Variants in CCDC158 observed in about 807,000 individuals in gnomAD.
CCDC158 encodes coiled-coil domain containing 158.
In CCDC158, 116 loss-of-function variants were observed where a neutral mutation model predicts 138.6. That is an observed-to-expected ratio of 0.84 (90% CI 0.72 to 0.98). The LOEUF (loss-of-function observed/expected upper bound fraction) is 0.98. Among genes scored for constraint, CCDC158 ranks in the 50% least tolerant of loss-of-function variants. The pLI is 0.00. For missense variants in CCDC158, 1,265 were observed against 1,306.1 expected, an observed-to-expected ratio of 0.97 and a Z score of 0.48; for synonymous variants, 436 against 442.4, an observed-to-expected ratio of 0.99 and a Z score of 0.18.
chr4:76,369,533 T>C lies in CCDC158; in HGVS notation c.1240A>G (p.Ile414Val). 1.2e-6 allele frequency: 2 copies of C among 1,614,180 alleles called. No homozygotes were observed. The highest frequency in any genetic ancestry group is 1.7e-6 in the Non-Finnish European group (2 of 1,180,028). Residue 414 changes from isoleucine (I) to valine (V), a missense_variant, in exon 11 of 25, where the codon ATT becomes GTT. Physicochemically the swap from Ile to Val is conservative, Grantham distance 29 (BLOSUM62 3). Coordinates refer to ENST00000682701, the MANE Select transcript of CCDC158 (RefSeq NM_001394954.1). ...WDRDTGNSITIDHLRRELDNR... is the reference protein window; with the variant it reads ...WDRDTGNSITVDHLRRELDNR... ...TCCAGTTCCCGCCGCAGGTGGTCAA[T>C]GGTGATGCTGTTGCCTGTGTCTCGG...
At chr4:76,375,778 A>C in intron 9 of CCDC158, 2 of 570,916 alleles carry the variant, frequency 3.5e-6, no homozygotes, top group South Asian at 4.6e-5. Context: ...GCTACATCTC[A>C]CATTTTTTTG....
chr4:76,418,836 G>A (rs571887749), intron 1 of CCDC158, among the ~76,000 whole-genome samples: 1 of 152,302 alleles, frequency 6.6e-6, no homozygotes, highest in South Asian at 2.1e-4. Flanking sequence ...AGGAAAGTGG[G>A]AAGTGTAAAT....
At chr4:76,382,107 C>T (rs565609836) in intron 8 of CCDC158, among the ~76,000 whole-genome samples, 5 of 152,188 alleles carry the variant, frequency 3.3e-5, no homozygotes, top group African/African-American at 9.6e-5. Context: ...AGATTTCCCC[C>T]ATGCTTTTCC....
At chr4:76,323,159 GT>G (rs1720194185) in intron 24 of CCDC158, 142 bp downstream of exon 24, 1 of 581,754 alleles carries the variant, frequency 1.7e-6, no homozygotes, top group African/African-American at 1.9e-5. Flanking sequence ...GCTATTAATG[GT>G]TAAGACCCTT....
At chr4:76,421,380 T>TG (rs1304897017), upstream of CCDC158, among the ~76,000 whole-genome samples, 3 of 151,418 alleles carry the variant, frequency 2.0e-5, no homozygotes, top group Admixed American at 2.0e-4. Flanking sequence ...CCCTAAGGAG[T>TG]GGGGGTGTAC....
rs759686199 is a variant in CCDC158, at chr4:76,382,652, C to T, written c.872G>A (p.Arg291Gln). The T allele has an allele frequency of 5.3e-5, 85 of 1,613,392 alleles. No individual in the cohort carries two copies. The highest frequency in any genetic ancestry group is 4.5e-5 in the East Asian group (2 of 44,828). ...ACTCTGGATACTATTGGCTTGGCTTCGAGCACTGCTAGCTTTCTCAGTAAG... is the reference window on the plus strand; with the variant it reads ...ACTCTGGATACTATTGGCTTGGCTTTGAGCACTGCTAGCTTTCTCAGTAAG... ...TGLTEKASSA[R>Q]SQANSIQSQM... Residue 291 changes from arginine (R) to glutamine (Q), a missense_variant, in exon 8 of 25, where the codon CGA becomes CAA. By Grantham distance (43) the Arg-to-Gln change is conservative (BLOSUM62 1). Coordinates refer to ENST00000682701, the MANE Select transcript of CCDC158 (RefSeq NM_001394954.1).
intron 13 of CCDC158, among the ~76,000 whole-genome samples, chr4:76,358,363 A>G (rs1381509183): frequency 6.6e-6 from 1 of 152,154 alleles, no homozygotes. Flanking sequence ...TTTATCTGGG[A>G]CGACTGCAAA....
intron 1 of CCDC158, among the ~76,000 whole-genome samples, chr4:76,418,970 T>C (rs569590712): frequency 6.6e-6 from 1 of 152,332 alleles, no homozygotes; most frequent in Admixed American, 6.5e-5. Context: ...TTTTAATACA[T>C]GGAAGCACTT....
intron 4 of CCDC158, among the ~76,000 whole-genome samples, chr4:76,393,936 C>T (rs929746354): frequency 6.6e-6 from 1 of 152,088 alleles, no homozygotes; most frequent in African/African-American, 2.4e-5. Flanking sequence ...GAGATATCAA[C>T]TCACCCCAGT....
chr4:76,330,430 G>A (rs529840788), intron 21 of CCDC158, among the ~76,000 whole-genome samples: 2 of 152,306 alleles, frequency 1.3e-5, no homozygotes, highest in African/African-American at 4.8e-5. Flanking sequence ...ATATGCAGTT[G>A]ATAGTTGTGG....
At chr4:76,324,058 C>A (rs141211465) in intron 23 of CCDC158, among the ~76,000 whole-genome samples, 1 of 152,236 alleles carries the variant, frequency 6.6e-6, no homozygotes, top group East Asian at 1.9e-4. Flanking sequence ...TTAATCCCTG[C>A]CTAGCTGTAT....
At chr4:76,347,994 A>C (rs138445732) in intron 18 of CCDC158, among the ~76,000 whole-genome samples, 1 of 152,164 alleles carries the variant, frequency 6.6e-6, no homozygotes, top group Non-Finnish European at 1.5e-5. Flanking sequence ...TACTGTTCAC[A>C]GTTCAGGCTG....
chr4:76,418,481 T>C (rs1729864866), intron 1 of CCDC158, among the ~76,000 whole-genome samples: 1 of 152,210 alleles, frequency 6.6e-6, no homozygotes, highest in South Asian at 2.1e-4. Context: ...ATTAGTCTGT[T>C]TTCATGCTGC....
chr4:76,379,289 C>G lies in CCDC158; in HGVS notation c.1029+1G>C, dbSNP rs1428822876. On this transcript the variant is annotated splice_donor_variant, in intron 9 of 24. Transcript: ENST00000682701. LOFTEE classifies it high-confidence loss of function. ...AACAGACCAGCAAAACCTAAACTCA[C>G]CTTGTCTTCATACATCCTTTTGGCT... 1 of 1,585,808 alleles carries G rather than the reference C, an allele frequency of 6.3e-7. No individual in the cohort carries two copies. Among genetic ancestry groups the G allele is most frequent in the Non-Finnish European group, 8.6e-7 (1 of 1,163,902 alleles).
chr4:76,337,054 C>A (rs563220457), intron 18 of CCDC158, among the ~76,000 whole-genome samples: 25 of 152,248 alleles, frequency 1.6e-4, no homozygotes, highest in African/African-American at 4.8e-4. Flanking sequence ...GATCACGGAT[C>A]ACTGCCGCCT....
At chr4:76,331,253 A>G (rs907089392) in intron 21 of CCDC158, 91 bp downstream of exon 21, 2 of 1,134,658 alleles carry the variant, frequency 1.8e-6, no homozygotes, top group African/African-American at 3.0e-5. Context: ...ACTGCAGTGC[A>G]TGGCACATTA....
Position 76,332,425 on chromosome 4 carries a change from T to C in CCDC158, c.2882+7A>G. On this transcript the variant is annotated splice_region_variant and intron_variant, in intron 20 of 24. Transcript: ENST00000682701. ...TAATTTGATTCAGAATCTCAGATTC[T>C]TCTTACCTATGGCACATGTCTGATC... is the stretch of plus-strand genomic sequence containing the variant. 6.2e-7 allele frequency: 1 copy of C among 1,605,292 alleles called. No individual in the cohort carries two copies.
Position 76,376,369 on chromosome 4 carries a change from T to G in CCDC158, c.1029+2921A>C, listed in dbSNP as rs571389432. 5.3e-5 allele frequency among the ~76,000 whole-genome samples: 8 copies of G among 152,292 alleles called. 1 individual carries two copies. In the South Asian group the frequency reaches 6.2e-4, roughly 12 times the overall value. ...GTAAGCCACTGCACCTGGCCATGAA[T>G]CTCACTTTTAATCACAGCTTTTATG... On this transcript the variant is annotated intron_variant, in intron 9 of 24. Coordinates refer to ENST00000682701, the MANE Select transcript of CCDC158 (RefSeq NM_001394954.1).
intron 3 of CCDC158, among the ~76,000 whole-genome samples, chr4:76,400,462 G>A (rs1417493020): frequency 6.6e-6 from 1 of 151,432 alleles, no homozygotes; most frequent in Non-Finnish European, 1.5e-5. Flanking sequence ...TAAATGACGA[G>A]TTAATGGGTG....
Sources: gnomAD v4.1 joint callset for allele counts (sites outside exome capture counted in the v4.1 genomes callset) on GRCh38, gnomAD v4.1.1 for gene constraint, MANE v1.5 for transcripts, NCBI Gene and HGNC (gene_info 2026-07-23, HGNC 2026-07-21) for gene names.